Variants in RSPO1 observed in about 807,000 individuals in gnomAD.
RSPO1 encodes the protein R-spondin 1, also known as R-spondin-1.
A neutral mutation model predicts 26.0 loss-of-function variants in RSPO1; 18 were observed. The ratio of observed to expected loss-of-function variants is 0.69; its 90% CI spans 0.48 to 1.03. RSPO1 has a LOEUF of 1.03. RSPO1 is among the 50% of genes least tolerant of loss of function. RSPO1 has a pLI of 0.00. For missense variants in RSPO1, 309 were observed against 352.3 expected (o/e 0.88, Z 0.98); for synonymous variants, 133 against 137.4 (o/e 0.97, Z 0.22).
chr1:37,623,919 C>G (rs1644240407), intron 3 of RSPO1, among the ~76,000 whole-genome samples: 1 of 151,790 alleles, frequency 6.6e-6, no homozygotes, highest in Non-Finnish European at 1.5e-5. Context: ...ACCACCACAC[C>G]CAGCTGATTT....
Position 37,629,688 on chromosome 1 carries a change from G to A in RSPO1, c.-27C>T, listed in dbSNP as rs752277136. On this transcript the variant is annotated 5_prime_UTR_variant, in exon 3 of 7. Transcript: ENST00000356545. Reference sequence around the variant, plus strand: ...GTCACGCGCCAGCTCCAGGCCCCTGGTCGGAGGGGTGGTCTCGGGGAGGGT... The same window carrying A: ...GTCACGCGCCAGCTCCAGGCCCCTGATCGGAGGGGTGGTCTCGGGGAGGGT... The A allele has an allele frequency of 1.2e-6, 2 of 1,613,554 alleles. No homozygotes were observed. Among genetic ancestry groups the A allele is most frequent in the Non-Finnish European group, 1.7e-6 (2 of 1,179,798 alleles).
chr1:37,631,137 G>A (rs953023477), intron 2 of RSPO1, among the ~76,000 whole-genome samples: 2 of 151,456 alleles, frequency 1.3e-5, no homozygotes, highest in Non-Finnish European at 2.9e-5. Flanking sequence ...CCACCCCCTC[G>A]CCTGTCAGGG....
At chr1:37,623,618 T>A (rs1644234685) in intron 3 of RSPO1, among the ~76,000 whole-genome samples, 1 of 151,958 alleles carries the variant, frequency 6.6e-6, no homozygotes, top group South Asian at 2.1e-4. Context: ...ATATAGCACG[T>A]GCCTGTAATT....
chr1:37,616,746 T>A (rs1370753060), intron 3 of RSPO1, 71 bp from the exon 4 acceptor site: 3 of 1,365,520 alleles, frequency 2.2e-6, no homozygotes, highest in Non-Finnish European at 3.1e-6. Flanking sequence ...CTGACAAGGA[T>A]GGGAAGTGAA....
chr1:37,616,034 C>T (rs1644106071), intron 4 of RSPO1, among the ~76,000 whole-genome samples: 1 of 152,208 alleles, frequency 6.6e-6, no homozygotes, highest in Non-Finnish European at 1.5e-5. Context: ...AAGCGTCTTT[C>T]TGGCTGAAGT....
intron 3 of RSPO1, among the ~76,000 whole-genome samples, chr1:37,628,143 A>G (rs1408221196): frequency 6.6e-6 from 1 of 152,202 alleles, no homozygotes; most frequent in Non-Finnish European, 1.5e-5. Flanking sequence ...GCACATGTAC[A>G]CATTGCATGA....
In RSPO1 at chr1:37,613,486, C is replaced by CA. The variant is rs1428539020; in HGVS notation, c.625+217dup. On this transcript the variant is annotated intron_variant, in intron 6 of 6. Transcript: ENST00000356545. The surrounding 1 kb of genome is among the most constrained non-coding windows in gnomAD (Gnocchi z 4.5). ...GGGGGAACCGGAAGGATGTTGACCA[C>CA]AGAAGCTTCCAGCTTCCACTATGCA... Among the ~76,000 whole-genome samples the CA allele has an allele frequency of 6.6e-6, 1 of 152,238 alleles. No individual in the cohort carries two copies.
chr1:37,634,074 G>A lies in RSPO1; in HGVS notation c.-356+492C>T, dbSNP rs1644401299. Among the ~76,000 whole-genome samples the A allele has an allele frequency of 6.6e-6, 1 of 152,152 alleles. No individual in the cohort carries two copies. Among genetic ancestry groups the A allele is most frequent in the Non-Finnish European group, 1.5e-5 (1 of 68,032 alleles). ...TCGGTTCCTGAGCGCCAGACCCCGA[G>A]GGCCAGGGAGCCGCGCCACTTCGCT... On this transcript the variant is annotated intron_variant, in intron 1 of 6. Coordinates refer to ENST00000356545, the MANE Select transcript of RSPO1 (RefSeq NM_001242908.2). The surrounding 1 kb of genome is among the most constrained non-coding windows in gnomAD (Gnocchi z 4.7).
intron 3 of RSPO1, among the ~76,000 whole-genome samples, chr1:37,624,176 C>T (rs139273687): frequency 1.3e-5 from 2 of 152,312 alleles, no homozygotes; most frequent in South Asian, 2.1e-4. Flanking sequence ...GTCCCAGCTA[C>T]TCAGGAGGCT....
intron 5 of RSPO1, 45 bp downstream of exon 5, chr1:37,614,136 CCTT>C: frequency 6.2e-7 from 1 of 1,603,018 alleles, no homozygotes; most frequent in Non-Finnish European, 8.5e-7. Context: ...CCCGGCCCCT[CCTT>C]CTGGGGTCCT....
chr1:37,629,932 A>G lies in RSPO1; in HGVS notation c.-271T>C, dbSNP rs954731532. 4 of 1,500,800 alleles carry G rather than the reference A, an allele frequency of 2.7e-6. No individual in the cohort carries two copies. In the African/African-American group the frequency reaches 5.5e-5, roughly 21 times the overall value. The allele number at this position is 1,500,800 out of a possible 1,614,324, so 93.0% of individuals were successfully genotyped here. A position where few individuals can be genotyped will look rare whatever the true frequency, so the allele number is the denominator to read the frequency against. ...AGATCTTTTTGTCACGTCAGCAGGG[A>G]CTACTCCAAAAACCAACCTGTCAGG... On this transcript the variant is annotated 5_prime_UTR_variant, in exon 3 of 7. Transcript: ENST00000356545.
At chr1:37,629,515 G>A (rs1644325022) in intron 3 of RSPO1, 53 bp downstream of exon 3, 2 of 1,471,504 alleles carry the variant, frequency 1.4e-6, no homozygotes, top group Admixed American at 1.7e-5. Context: ...GTTCCTGGGT[G>A]GCCCCCTCCC....
chr1:37,628,187 CTG>C (rs1644306310), intron 3 of RSPO1, among the ~76,000 whole-genome samples: 1 of 150,622 alleles, frequency 6.6e-6, no homozygotes, highest in South Asian at 2.1e-4. Context: ...CTCTCTCTCT[CTG>C]TCTCTCTCTC....
intron 5 of RSPO1, 75 bp downstream of exon 5, chr1:37,614,109 C>T: frequency 1.3e-6 from 2 of 1,554,284 alleles, no homozygotes; most frequent in Non-Finnish European, 8.8e-7. Context: ...CCCACCCGCT[C>T]TCTTGCCAGA....
chr1:37,631,087 CT>C (rs1259387961), intron 2 of RSPO1, among the ~76,000 whole-genome samples: 1 of 152,180 alleles, frequency 6.6e-6, no homozygotes, highest in Non-Finnish European at 1.5e-5. Context: ...CTCCCACCCC[CT>C]GTCCTAATCC....
At chr1:37,621,376 G>A (rs1337304808) in intron 3 of RSPO1, among the ~76,000 whole-genome samples, 3 of 152,188 alleles carry the variant, frequency 2.0e-5, no homozygotes, top group African/African-American at 7.2e-5. Context: ...GATTTTCCGA[G>A]GGCAAGAGTG....
chr1:37,619,728 A>T (rs1208386894), intron 3 of RSPO1, among the ~76,000 whole-genome samples: 1 of 151,418 alleles, frequency 6.6e-6, no homozygotes, highest in Non-Finnish European at 1.5e-5. Flanking sequence ...TACTATTGTT[A>T]TTTTTTTAAA....
intron 3 of RSPO1, among the ~76,000 whole-genome samples, chr1:37,618,857 G>A (rs1644156816): frequency 6.6e-6 from 1 of 152,138 alleles, no homozygotes; most frequent in Admixed American, 6.5e-5. Flanking sequence ...TGGGAGTGGA[G>A]TGGTGAAAGT....
rs766425199 is a variant in RSPO1, at chr1:37,614,350, T to C, written c.287-17A>G. 22 of 1,613,218 alleles carry C rather than the reference T, an allele frequency of 1.4e-5. No individual in the cohort carries two copies. Among genetic ancestry groups the C allele is most frequent in the South Asian group, 1.2e-4 (11 of 91,050 alleles). The stretch of plus-strand genomic sequence containing the variant: ...TCTTGCATTCTGAGGAGAGGACAGA[T>C]TGGGGGCTTCTGGCCCAGCCTGGTG... On this transcript the variant is annotated splice_polypyrimidine_tract_variant and intron_variant, in intron 4 of 6. Coordinates refer to ENST00000356545, the MANE Select transcript of RSPO1 (RefSeq NM_001242908.2).
Sources: allele counts gnomAD v4.1 joint callset (sites outside exome capture counted in the v4.1 genomes callset), GRCh38; gene constraint gnomAD v4.1.1; non-coding constraint Gnocchi (gnomAD v3.1); transcripts MANE v1.5; gene names NCBI Gene and HGNC (gene_info 2026-07-23, HGNC 2026-07-21).